GOLM2: variants seen among roughly 807,000 people sequenced by gnomAD.
GOLM2 encodes golgi membrane protein 2.
In GOLM2, 26 loss-of-function variants were observed where a neutral mutation model predicts 55.9. The ratio of observed to expected loss-of-function variants is 0.47; its 90% CI spans 0.34 to 0.65. The LOEUF (loss-of-function observed/expected upper bound fraction) is 0.65, where lower values mean the gene tolerates loss of function less well. GOLM2 is among the 30% of genes least tolerant of loss of function. The pLI is 0.01. For missense variants in GOLM2, 486 were observed against 531.8 expected (o/e 0.91, Z 0.85); for synonymous variants, 165 against 194.6 (o/e 0.85, Z 1.27).
intron 6 of GOLM2, among the ~76,000 whole-genome samples, chr15:44,364,099 C>T (rs140924910): frequency 0.016 from 2,437 of 152,116 alleles, 29 homozygotes; most frequent in Non-Finnish European, 0.024. Flanking sequence ...TGCTAGTTGA[C>T]GAGTTAGTGG....
chr15:44,337,958 T>C (rs2141146591), intron 5 of GOLM2, 51 bp downstream of exon 5: 2 of 1,495,082 alleles, frequency 1.3e-6, no homozygotes, highest in Middle Eastern at 1.8e-4. Context: ...ATTGACTTTT[T>C]CTTCCCATTT....
chr15:44,395,175 T>G (rs2079516827), intron 8 of GOLM2, among the ~76,000 whole-genome samples: 1 of 148,656 alleles, frequency 6.7e-6, no homozygotes, highest in South Asian at 2.1e-4. Context: ...CACGCCCGGC[T>G]AATTTTTTTT....
At chr15:44,396,217 G>A (rs2079525973) in intron 8 of GOLM2, among the ~76,000 whole-genome samples, 1 of 151,994 alleles carries the variant, frequency 6.6e-6, no homozygotes, top group South Asian at 2.1e-4. Context: ...AATTACATGG[G>A]TGTTGTGGTA....
At chr15:44,405,869 G>A (rs1056630846) in intron 9 of GOLM2, among the ~76,000 whole-genome samples, 7 of 152,070 alleles carry the variant, frequency 4.6e-5, no homozygotes, top group South Asian at 2.1e-4. Context: ...TGATCCACCC[G>A]CCTCAGCCTC....
chr15:44,351,233 A>G (rs879673211), intron 6 of GOLM2, among the ~76,000 whole-genome samples: 3 of 152,090 alleles, frequency 2.0e-5, no homozygotes, highest in Non-Finnish European at 4.4e-5. Flanking sequence ...CACTTTAAGC[A>G]CTGCTATTTA....
In GOLM2 at chr15:44,379,695, A is replaced by G; in HGVS notation, c.808A>G (p.Arg270Gly). 1 of 1,551,502 alleles carries G rather than the reference A, an allele frequency of 6.4e-7. No homozygotes were observed. The highest frequency in any genetic ancestry group is 8.8e-7 in the Non-Finnish European group (1 of 1,135,198). Residue 270 changes from arginine to glycine, a missense_variant, in exon 7 of 10, where the codon AGG becomes GGG. Transcript: ENST00000299957. Reference protein sequence around the residue: ...AKVDDLPPALRKPPISVSQHE... With the variant: ...AKVDDLPPALGKPPISVSQHE... ...ATTTATTTTTTTTCTTCTAGCTTTA[A>G]GGAAGCCTCCTATTTCAGTTTCTCA... is the stretch of plus-strand genomic sequence containing the variant.
intron 1 of GOLM2, among the ~76,000 whole-genome samples, chr15:44,295,524 A>G (rs2078750385): frequency 6.6e-6 from 1 of 152,192 alleles, no homozygotes; most frequent in African/African-American, 2.4e-5. Flanking sequence ...GGAGGGGTGT[A>G]TTAGTTTGCT....
At chr15:44,370,960 A>C (rs1002396084) in intron 6 of GOLM2, among the ~76,000 whole-genome samples, 5 of 151,752 alleles carry the variant, frequency 3.3e-5, no homozygotes, top group African/African-American at 1.2e-4. Flanking sequence ...ACACCCAACC[A>C]CCTCTGTTAT....
At chr15:44,319,034 A>G (rs1340123478) in intron 1 of GOLM2, among the ~76,000 whole-genome samples, 2 of 152,250 alleles carry the variant, frequency 1.3e-5, no homozygotes, top group African/African-American at 4.8e-5. Context: ...TCATCTCCAG[A>G]AGCCTTCTCT....
chr15:44,412,868 T>G (rs1262342798), intron 9 of GOLM2, among the ~76,000 whole-genome samples: 2 of 151,958 alleles, frequency 1.3e-5, no homozygotes, highest in African/African-American at 4.8e-5. Context: ...CCAGGCATGG[T>G]GACAGGTGCC....
chr15:44,328,216 ATG>A (rs1160448099), intron 2 of GOLM2, among the ~76,000 whole-genome samples: 1 of 152,252 alleles, frequency 6.6e-6, no homozygotes, highest in Non-Finnish European at 1.5e-5. Context: ...ATGGTGGCTT[ATG>A]CCTTTAATCC....
intron 6 of GOLM2, among the ~76,000 whole-genome samples, chr15:44,353,028 C>A (rs538108522): frequency 1.3e-5 from 2 of 151,656 alleles, no homozygotes; most frequent in South Asian, 2.1e-4. Flanking sequence ...GCTCAAACAA[C>A]CATATAAGAA....
chr15:44,401,169 T>C (rs140663399), intron 8 of GOLM2, among the ~76,000 whole-genome samples: 2 of 152,294 alleles, frequency 1.3e-5, no homozygotes, highest in African/African-American at 4.8e-5. Context: ...TGGGGTGCAG[T>C]GGCACAATCT....
intron 6 of GOLM2, among the ~76,000 whole-genome samples, chr15:44,367,205 C>A (rs1469253142): frequency 2.0e-5 from 3 of 146,504 alleles, no homozygotes; most frequent in African/African-American, 7.5e-5. Context: ...CACTTACTGT[C>A]TGGCCCTTTT....
intron 1 of GOLM2, among the ~76,000 whole-genome samples, chr15:44,317,050 A>G (rs144926612): frequency 7.8e-4 from 119 of 152,316 alleles, no homozygotes; most frequent in African/African-American, 2.5e-3. Flanking sequence ...AATGTATAAG[A>G]ATATGAAAGA....
At chr15:44,337,710 G>T in intron 4 of GOLM2, 53 bp from the exon 5 acceptor site, 1 of 1,286,928 alleles carries the variant, frequency 7.8e-7, no homozygotes, top group East Asian at 2.5e-5. Context: ...TAGTTGTGTC[G>T]GTGGTTTAAC....
At chr15:44,359,286 C>G in intron 6 of GOLM2, among the ~76,000 whole-genome samples, 1 of 151,728 alleles carries the variant, frequency 6.6e-6, no homozygotes, top group East Asian at 2.0e-4. Flanking sequence ...ACAAAGAACT[C>G]TTAAAACTTA....
At chr15:44,335,961 T>C (rs1160241446) in intron 4 of GOLM2, among the ~76,000 whole-genome samples, 1 of 149,924 alleles carries the variant, frequency 6.7e-6, no homozygotes, top group Non-Finnish European at 1.5e-5. Flanking sequence ...ATTACAAGCA[T>C]GCGCCACCAT....
At chr15:44,337,052 C>G (rs1308355979) in intron 4 of GOLM2, among the ~76,000 whole-genome samples, 1 of 152,094 alleles carries the variant, frequency 6.6e-6, no homozygotes. Flanking sequence ...TTTATAGATG[C>G]ATTAAATGTT....
Sources: allele counts gnomAD v4.1 joint callset (sites outside exome capture counted in the v4.1 genomes callset), GRCh38; gene constraint gnomAD v4.1.1; transcripts MANE v1.5; gene names NCBI Gene and HGNC (gene_info 2026-07-23, HGNC 2026-07-21).